ZUP1: variants seen among roughly 807,000 people sequenced by gnomAD.
ZUP1 encodes the protein zinc finger containing ubiquitin peptidase 1, also known as zinc finger-containing ubiquitin peptidase 1.
In ZUP1, 55 loss-of-function variants were observed where a neutral mutation model predicts 68.1. The ratio of observed to expected loss-of-function variants is 0.81; its 90% CI spans 0.65 to 1.01. The LOEUF is 1.01. Ranked by LOEUF, ZUP1 falls within the 50% of genes least tolerant of loss-of-function variation. ZUP1 has a pLI of 0.00. For synonymous variants in ZUP1, 223 were observed against 221.5 expected (o/e 1.01, Z -0.06); for missense variants, 684 against 674.9 (o/e 1.01, Z -0.15).
chr6:116,658,692 T>A (rs1776742041), intron 4 of ZUP1, 111 bp downstream of exon 4: 1 of 999,566 alleles, frequency 1.0e-6, no homozygotes, highest in South Asian at 1.8e-5. Flanking sequence ...GTTACAAACA[T>A]GTATAAATTT....
At chr6:116,665,231 CAA>C (rs1266752813) in intron 2 of ZUP1, among the ~76,000 whole-genome samples, 1 of 151,680 alleles carries the variant, frequency 6.6e-6, no homozygotes, top group South Asian at 2.1e-4. Context: ...AATAACTATA[CAA>C]AAAAAGATTG....
At chr6:116,645,609 A>G in intron 9 of ZUP1, 105 bp downstream of exon 9, 9 of 867,794 alleles carry the variant, frequency 1.0e-5, no homozygotes, top group Middle Eastern at 3.1e-4. Context: ...AAAGAAAAAG[A>G]ATAGAAAAAA....
chr6:116,641,003 G>T (rs1776079056), intron 9 of ZUP1, among the ~76,000 whole-genome samples: 1 of 149,602 alleles, frequency 6.7e-6, no homozygotes, highest in Non-Finnish European at 1.5e-5. Flanking sequence ...GATCTACCAA[G>T]CAAATGGAAA....
At position 116,666,628 on chromosome 6, in the gene ZUP1, C is replaced by T. The variant is rs148253569; in HGVS notation, c.559+6G>A. On this transcript the variant is annotated splice_donor_region_variant and intron_variant, in intron 2 of 9. Coordinates refer to ENST00000368576, the MANE Select transcript of ZUP1 (RefSeq NM_145062.3). ...CTTATAATTTATAATGAAATGAAAA[C>T]TTTACCTTCCAATGGAATGTCTAAA... 1 of 1,539,388 alleles carries T rather than the reference C, an allele frequency of 6.5e-7. No individual in the cohort carries two copies. The highest frequency in any genetic ancestry group is 2.3e-5 in the East Asian group (1 of 43,974).
intron 9 of ZUP1, among the ~76,000 whole-genome samples, chr6:116,642,763 T>C (rs892740589): frequency 6.6e-6 from 1 of 152,012 alleles, no homozygotes; most frequent in African/African-American, 2.4e-5. Flanking sequence ...AGCATTCCCT[T>C]TGAAAACTGG....
At chr6:116,659,716 C>G (rs1776780209) in intron 3 of ZUP1, among the ~76,000 whole-genome samples, 1 of 152,120 alleles carries the variant, frequency 6.6e-6, no homozygotes, top group African/African-American at 2.4e-5. Context: ...AATGGTAAAA[C>G]TTTGCAACAT....
chr6:116,654,557 G>A (rs964098180), intron 5 of ZUP1, among the ~76,000 whole-genome samples: 1 of 151,824 alleles, frequency 6.6e-6, no homozygotes, highest in African/African-American at 2.4e-5. Flanking sequence ...ATAATAAATA[G>A]AAAGATTGAG....
intron 9 of ZUP1, among the ~76,000 whole-genome samples, chr6:116,639,789 C>T (rs1188392703): frequency 1.3e-5 from 2 of 152,204 alleles, no homozygotes; most frequent in African/African-American, 2.4e-5. Flanking sequence ...GCCTCTCCTC[C>T]TCCAAAGGAA....
chr6:116,638,932 G>A (rs1421946786), intron 9 of ZUP1, among the ~76,000 whole-genome samples: 1 of 152,178 alleles, frequency 6.6e-6, no homozygotes, highest in African/African-American at 2.4e-5. Context: ...CCCTTTCCTG[G>A]TCAAGGAAAG....
Position 116,658,854 on chromosome 6 carries a change from C to A in ZUP1, c.741G>T (p.Lys247Asn), listed in dbSNP as rs1217648761. 1 of 1,611,042 alleles carries A rather than the reference C, an allele frequency of 6.2e-7. No homozygotes were observed. Among genetic ancestry groups the A allele is most frequent in the Admixed American group, 1.7e-5 (1 of 59,904 alleles). Residue 247 changes from lysine (K) to asparagine (N), a missense_variant, in exon 4 of 10, where the codon AAG becomes AAT. Physicochemically the swap from Lys to Asn is moderately conservative, Grantham distance 94. Transcript: ENST00000368576. ...AHQLQQEEDR[K>N]RRSEESRQEI... ...CTTGTCTTGATTCTTCAGATCTCCTCTTTCTGTCTTCTTCTTGCTGAAGCT... is the reference window on the plus strand; with the variant it reads ...CTTGTCTTGATTCTTCAGATCTCCTATTTCTGTCTTCTTCTTGCTGAAGCT...
At chr6:116,659,714 A>C (rs1244395308) in intron 3 of ZUP1, among the ~76,000 whole-genome samples, 1 of 152,164 alleles carries the variant, frequency 6.6e-6, no homozygotes, top group Non-Finnish European at 1.5e-5. Context: ...AAAATGGTAA[A>C]ACTTTGCAAC....
chr6:116,659,248 G>C (rs1159315691), intron 3 of ZUP1, among the ~76,000 whole-genome samples: 1 of 152,120 alleles, frequency 6.6e-6, no homozygotes, highest in Non-Finnish European at 1.5e-5. Context: ...TCCTGCTGCA[G>C]CCTCCTGAGT....
At position 116,635,625 on chromosome 6, in the gene ZUP1, C is replaced by A; in HGVS notation, c.*207G>T. ...GATAAGAAAAACAAAATCCACAATGCAAAAACAAGACATTTTATTGAAATA... is the reference window on the plus strand; with the variant it reads ...GATAAGAAAAACAAAATCCACAATGAAAAAACAAGACATTTTATTGAAATA... On this transcript the variant is annotated 3_prime_UTR_variant, in exon 10 of 10. Coordinates refer to ENST00000368576, the MANE Select transcript of ZUP1 (RefSeq NM_145062.3). The A allele has an allele frequency of 2.3e-6, 1 of 429,562 alleles. No individual in the cohort carries two copies. 26.6% of individuals were successfully genotyped at this position (429,562 alleles called of 1,614,324 possible). A position where few individuals can be genotyped will look rare whatever the true frequency, so the allele number is the denominator to read the frequency against.
chr6:116,651,749 C>A lies in ZUP1; in HGVS notation c.1151-12G>T, dbSNP rs1337845945. 5.6e-6 allele frequency: 9 copies of A among 1,612,294 alleles called. No homozygotes were observed. Among genetic ancestry groups the A allele is most frequent in the African/African-American group, 1.3e-5 (1 of 74,886 alleles). On this transcript the variant is annotated splice_polypyrimidine_tract_variant and intron_variant, in intron 6 of 9. Transcript: ENST00000368576. ...AGGAATCAACATACCTAAAATTACACAAGCAAACATGTTACATGACTGTTA... is the reference window on the plus strand; with the variant it reads ...AGGAATCAACATACCTAAAATTACAAAAGCAAACATGTTACATGACTGTTA...
intron 5 of ZUP1, among the ~76,000 whole-genome samples, chr6:116,652,949 T>C (rs1776559894): frequency 6.6e-6 from 1 of 152,098 alleles, no homozygotes; most frequent in Non-Finnish European, 1.5e-5. Flanking sequence ...ACTGAACACA[T>C]TAAACATAAT....
intron 9 of ZUP1, among the ~76,000 whole-genome samples, chr6:116,639,257 C>A (rs574233962): frequency 5.8e-4 from 88 of 152,366 alleles, no homozygotes; most frequent in African/African-American, 1.9e-3. Context: ...CCTCTGGGGG[C>A]AGGGCACAGA....
intron 2 of ZUP1, among the ~76,000 whole-genome samples, chr6:116,664,903 CACAA>C (rs1388845733): frequency 6.6e-6 from 1 of 151,780 alleles, no homozygotes; most frequent in Non-Finnish European, 1.5e-5. Context: ...CACACACACA[CACAA>C]TCCAGAAAAA....
chr6:116,644,440 A>G (rs1465105693), intron 9 of ZUP1, among the ~76,000 whole-genome samples: 1 of 152,240 alleles, frequency 6.6e-6, no homozygotes, highest in Non-Finnish European at 1.5e-5. Flanking sequence ...GAACCAACCC[A>G]AATGTCCAAC....
At chr6:116,649,217 T>C (rs1776405646) in intron 7 of ZUP1, among the ~76,000 whole-genome samples, 2 of 152,068 alleles carry the variant, frequency 1.3e-5, no homozygotes. Flanking sequence ...AATCAATCAA[T>C]GTGGTAAAAA....
Sources: allele counts gnomAD v4.1 joint callset (sites outside exome capture counted in the v4.1 genomes callset), GRCh38; gene constraint gnomAD v4.1.1; transcripts MANE v1.5; gene names NCBI Gene and HGNC (gene_info 2026-07-23, HGNC 2026-07-21).